IPO9: variants seen among roughly 807,000 people sequenced by gnomAD.
IPO9 encodes the protein importin-9.
IPO9 carries 28 observed loss-of-function variants against 128.6 expected under a neutral mutation model. The ratio of observed to expected loss-of-function variants is 0.22; its 90% CI spans 0.16 to 0.30. The LOEUF (loss-of-function observed/expected upper bound fraction) is 0.30, where lower values mean the gene tolerates loss of function less well. Ranked by LOEUF, IPO9 falls within the 10% of genes least tolerant of loss-of-function variation. IPO9 has a pLI of 1.00. For synonymous variants in IPO9, 455 were observed against 475.8 expected, an observed-to-expected ratio of 0.96 and a Z score of 0.57; for missense variants, 935 against 1,293.9, an observed-to-expected ratio of 0.72 and a Z score of 4.26.
rs1680145393 is a variant in IPO9 at position 201,847,596 on chromosome 1, T to C, written c.270T>C (p.Cys90=). Residue 90 remains cysteine (C), a synonymous_variant, in exon 3 of 24, where the codon TGT becomes TGC. Coordinates refer to ENST00000361565, the MANE Select transcript of IPO9 (RefSeq NM_018085.5). ...AACAATATGTGGAGACTCACTGGTG[T>C]GCCCAATCAGAGAAATTTAGGCCTC... The part of the protein sequence containing the change: ...ILKQYVETHW[C]AQSEKFRPPE... The C allele has an allele frequency of 6.2e-7, 1 of 1,614,092 alleles. No homozygotes were observed. The highest frequency in any genetic ancestry group is 1.3e-5 in the African/African-American group (1 of 75,026).
chr1:201,869,785 G>A (rs1680615455), intron 17 of IPO9, 67 bp downstream of exon 17: 2 of 1,518,460 alleles, frequency 1.3e-6, no homozygotes, highest in Non-Finnish European at 1.8e-6. Flanking sequence ...ACTATGCTGA[G>A]AAATCTGACA....
rs1295626548 is a variant in IPO9 at position 201,834,196 on chromosome 1, ACTTTTCTTT to A, written c.163+4825_163+4833del. 3.6e-5 allele frequency among the ~76,000 whole-genome samples: 5 copies of A among 140,346 alleles called. No homozygotes were observed. The East Asian group carries it at 5.9e-4, about 17-fold the overall frequency. 92.1% of individuals were successfully genotyped at this position (140,346 alleles called of 152,430 possible). A position where few individuals can be genotyped will look rare whatever the true frequency, so the allele number is the denominator to read the frequency against. ...TTTTTTTATTCGTTAGAGTAAAAAAACTTTTCTTTTCTTTTTTTTTTTTGTTGCACTGCT... is the reference window on the plus strand; with the variant it reads ...TTTTTTTATTCGTTAGAGTAAAAAAATCTTTTTTTTTTTTGTTGCACTGCT... On this transcript the variant is annotated intron_variant, in intron 1 of 23. Coordinates refer to ENST00000361565, the MANE Select transcript of IPO9 (RefSeq NM_018085.5).
At chr1:201,867,338 T>C (rs1416882468) in intron 15 of IPO9, among the ~76,000 whole-genome samples, 2 of 152,080 alleles carry the variant, frequency 1.3e-5, no homozygotes, top group African/African-American at 4.8e-5. Flanking sequence ...AAGAAAGATA[T>C]ATGGAAAAGT....
intron 15 of IPO9, among the ~76,000 whole-genome samples, chr1:201,867,689 G>GTT (rs940851190): frequency 6.7e-6 from 1 of 148,874 alleles, no homozygotes. Context: ...TGCATTTTAA[G>GTT]TTTTTTTTTT....
intron 13 of IPO9, among the ~76,000 whole-genome samples, chr1:201,860,805 C>T (rs1382411055): frequency 1.3e-5 from 2 of 152,100 alleles, no homozygotes; most frequent in East Asian, 1.9e-4. Context: ...CATGTTTTCC[C>T]CTGGCTGTCA....
intron 19 of IPO9, among the ~76,000 whole-genome samples, chr1:201,871,644 C>T (rs537254601): frequency 8.1e-4 from 123 of 152,190 alleles, no homozygotes; most frequent in Non-Finnish European, 1.0e-3. Context: ...CCACCCACTT[C>T]GGCCTCCCAC....
At chr1:201,830,829 G>A (rs1422775776) in intron 1 of IPO9, among the ~76,000 whole-genome samples, 1 of 152,136 alleles carries the variant, frequency 6.6e-6, no homozygotes, top group Non-Finnish European at 1.5e-5. Context: ...TGCTCCAAAT[G>A]CATGTCTGGC....
rs139357353 is a variant in IPO9, at chr1:201,866,838, G to A, written c.1734G>A (p.Glu578=). The A allele has an allele frequency of 5.5e-5, 88 of 1,614,138 alleles. No individual in the cohort carries two copies. In the Middle Eastern group the frequency reaches 9.9e-4, roughly 18 times the overall value. ...ACCTAGCAGCCCAGTTCAGCTCAGA[G>A]GTCCTCAACCTGGTGATGGAGACCC... The part of the protein sequence containing the change: ...LIHLAAQFSS[E]VLNLVMETLC... Residue 578 remains glutamate (E), a synonymous_variant, in exon 15 of 24, where the codon GAG becomes GAA. Transcript: ENST00000361565.
rs911162554 is a variant in IPO9 at position 201,878,246 on chromosome 1, C to G, written c.*2192C>G. 1 of 152,302 alleles carries G rather than the reference C, an allele frequency of 6.6e-6. No homozygotes were observed. Among genetic ancestry groups the G allele is most frequent in the East Asian group, 1.9e-4 (1 of 5,186 alleles). The allele number at this position is 152,302 out of a possible 1,614,324, so 9.4% of individuals were successfully genotyped here. A position where few individuals can be genotyped will look rare whatever the true frequency, so the allele number is the denominator to read the frequency against. On this transcript the variant is annotated 3_prime_UTR_variant, in exon 24 of 24. Coordinates refer to ENST00000361565, the MANE Select transcript of IPO9 (RefSeq NM_018085.5). The stretch of plus-strand genomic sequence containing the variant: ...ACCAAGTGGTGCTGAGAAAACCACC[C>G]TCGGCCTTGCAGACTCCATAGTTTA...
At chr1:201,845,175 T>C (rs531437511) in intron 1 of IPO9, among the ~76,000 whole-genome samples, 25 of 152,204 alleles carry the variant, frequency 1.6e-4, no homozygotes, top group Non-Finnish European at 2.6e-4. Flanking sequence ...TGCCACCATA[T>C]CCGGCTAATT....
chr1:201,858,100 G>T (rs760293307), intron 11 of IPO9, among the ~76,000 whole-genome samples: 1 of 152,150 alleles, frequency 6.6e-6, no homozygotes, highest in Admixed American at 6.5e-5. Context: ...GTTCCAATTA[G>T]TAGATTAGAC....
chr1:201,874,782 G>T (rs991878682), intron 21 of IPO9, 50 bp from the exon 22 acceptor site: 2 of 1,311,346 alleles, frequency 1.5e-6, no homozygotes, highest in African/African-American at 2.9e-5. Context: ...TTTGGGGAGG[G>T]AAAATGCATG....
intron 5 of IPO9, 45 bp from the exon 6 acceptor site, chr1:201,852,966 C>T: frequency 6.8e-7 from 1 of 1,469,650 alleles, no homozygotes; most frequent in Admixed American, 1.7e-5. Flanking sequence ...TACCTACACA[C>T]TCCAGTCTCG....
At chr1:201,853,389 G>C (rs922168441) in intron 6 of IPO9, among the ~76,000 whole-genome samples, 1 of 151,792 alleles carries the variant, frequency 6.6e-6, no homozygotes. Flanking sequence ...CACCACACTT[G>C]GCTGATTTTC....
chr1:201,874,272 T>G lies in IPO9; in HGVS notation c.2733T>G (p.Ile911Met). Residue 911 changes from isoleucine to methionine, a missense_variant, in exon 21 of 24, where the codon ATT becomes ATG. Physicochemically the swap from Ile to Met is conservative, Grantham distance 10. Coordinates refer to ENST00000361565, the MANE Select transcript of IPO9 (RefSeq NM_018085.5). ...SAKNPERWTN[I>M]PLLVKILKLI... ...CAGACCCAGAACGCTGGACAAACATTCCTTTGCTGGTCAAGATCCTAAAGC... is the reference window on the plus strand; with the variant it reads ...CAGACCCAGAACGCTGGACAAACATGCCTTTGCTGGTCAAGATCCTAAAGC... 1 of 1,613,748 alleles carries G rather than the reference T, an allele frequency of 6.2e-7. No homozygotes were observed. The highest frequency in any genetic ancestry group is 1.7e-5 in the Admixed American group (1 of 59,992).
At chr1:201,855,008 T>C in intron 8 of IPO9, 85 bp downstream of exon 8, 1 of 1,349,008 alleles carries the variant, frequency 7.4e-7, no homozygotes, top group South Asian at 1.3e-5. Context: ...ATGGTTCCAC[T>C]CTTCTTACAC....
rs1335861374 is a variant in IPO9, at chr1:201,869,205, C to T, written c.2005-385C>T. On this transcript the variant is annotated intron_variant, in intron 16 of 23. Coordinates refer to ENST00000361565, the MANE Select transcript of IPO9 (RefSeq NM_018085.5). ...GGCAGAGGTTGCAGTGAGTGGAGAT[C>T]GTGCCACTGCACTCCAGCCTGGGTG... is the stretch of plus-strand genomic sequence containing the variant. Among the ~76,000 whole-genome samples, 10 of 152,214 alleles carry T rather than the reference C, an allele frequency of 6.6e-5. No individual in the cohort carries two copies. In the East Asian group the frequency reaches 7.7e-4, roughly 12 times the overall value.
Position 201,829,309 on chromosome 1 carries a change from T to C in IPO9, c.100T>C (p.Ser34Pro). Residue 34 changes from serine (S) to proline (P), a missense_variant, in exon 1 of 24, where the codon TCC becomes CCC. Physicochemically the swap from Ser to Pro is moderately conservative, Grantham distance 74. This residue lies in a region of IPO9 where 741 missense variants were observed against 1,019.1 expected (regional missense o/e 0.73). Transcript: ENST00000361565. ...ALVDTLTGIL[S>P]PVQEVRAAAE... ...AGTGGATACGCTCACCGGGATCCTA[T>C]CCCCAGTACAGGAGGTGCGGGCGGC... The C allele has an allele frequency of 6.3e-7, 1 of 1,597,202 alleles. No individual in the cohort carries two copies. The highest frequency in any genetic ancestry group is 8.5e-7 in the Non-Finnish European group (1 of 1,173,084).
chr1:201,871,853 A>T (rs1041917942), intron 19 of IPO9, among the ~76,000 whole-genome samples: 2 of 152,298 alleles, frequency 1.3e-5, no homozygotes, highest in East Asian at 1.9e-4. Context: ...GGTAGACTAT[A>T]TATTTCTGGT....
Sources: gnomAD v4.1 joint callset for allele counts (sites outside exome capture counted in the v4.1 genomes callset) on GRCh38, gnomAD v4.1.1 for gene constraint, gnomAD v4.1.1 regional missense constraint, MANE v1.5 for transcripts, NCBI Gene and HGNC (gene_info 2026-07-23, HGNC 2026-07-21) for gene names.